The following AGBL1 variants were observed in gnomAD, a reference collection of about 807,000 sequenced individuals.
The protein encoded by AGBL1 is cytosolic carboxypeptidase 4.
In AGBL1, 130 loss-of-function variants were observed where a neutral mutation model predicts 118.9. The observed-to-expected ratio is 1.09, with a 90% CI of 0.95 to 1.26. The LOEUF is 1.26. AGBL1 is among the 50% of genes most tolerant of loss of function. AGBL1 has a pLI of 0.00. For missense variants in AGBL1, 1,584 were observed against 1,298.1 expected (o/e 1.22, Z -3.38); for synonymous variants, 555 against 478.9 (o/e 1.16, Z -2.08).
chr15:86,620,446 C>T (rs1377040302), intron 21 of AGBL1, among the ~76,000 whole-genome samples: 1 of 152,182 alleles, frequency 6.6e-6, no homozygotes, highest in East Asian at 1.9e-4. Flanking sequence ...CCCCATCACT[C>T]CCACTTACCT....
intron 22 of AGBL1, among the ~76,000 whole-genome samples, chr15:86,836,256 G>T (rs1463935814): frequency 1.3e-5 from 2 of 152,188 alleles, no homozygotes; most frequent in Non-Finnish European, 2.9e-5. Flanking sequence ...CCCATGGGTA[G>T]CCCTGAAAAT....
At chr15:86,107,270 C>G (rs1897107242) in intron 1 of AGBL1, among the ~76,000 whole-genome samples, 1 of 152,178 alleles carries the variant, frequency 6.6e-6, no homozygotes, top group African/African-American at 2.4e-5. Flanking sequence ...TCTTCTGCAG[C>G]AGAGCTAAAG....
intron 1 of AGBL1, among the ~76,000 whole-genome samples, chr15:86,131,832 C>A (rs2076823518): frequency 6.6e-6 from 1 of 151,838 alleles, no homozygotes; most frequent in Non-Finnish European, 1.5e-5. Context: ...CTCCTGTAGT[C>A]CCAGCTACTC....
chr15:86,616,394 T>C lies in AGBL1; in HGVS notation c.2995-57879T>C, dbSNP rs8023902. ...AAAATGAAGATGGAAAACTTGTCGTTGGATTAGATTGGTGGTCATTGTATG... is the reference window on the plus strand; with the variant it reads ...AAAATGAAGATGGAAAACTTGTCGTCGGATTAGATTGGTGGTCATTGTATG... On this transcript the variant is annotated intron_variant, in intron 21 of 22. Coordinates refer to ENST00000614907, the MANE Select transcript of AGBL1 (RefSeq NM_001386094.1). Among the ~76,000 whole-genome samples, 762 of 150,492 alleles carry C rather than the reference T, an allele frequency of 5.1e-3. 4 individuals carry two copies. The highest frequency in any genetic ancestry group is 0.018 in the African/African-American group (725 of 40,566).
At chr15:86,113,120 C>G (rs1897498216) in intron 1 of AGBL1, among the ~76,000 whole-genome samples, 1 of 152,128 alleles carries the variant, frequency 6.6e-6, no homozygotes, top group African/African-American at 2.4e-5. Flanking sequence ...TTTTAGCTTT[C>G]CTGCTTCAGC....
At chr15:86,345,218 C>CT (rs534279834) in intron 17 of AGBL1, among the ~76,000 whole-genome samples, 5,352 of 144,810 alleles carry the variant, frequency 0.037, 301 homozygotes, top group African/African-American at 0.13. Flanking sequence ...TTAGACAAGA[C>CT]TTTTTTTTTT....
intron 23 of AGBL1, among the ~76,000 whole-genome samples, chr15:86,951,018 G>A (rs1479044581): frequency 6.6e-6 from 1 of 152,192 alleles, no homozygotes; most frequent in Non-Finnish European, 1.5e-5. Context: ...CAAATGCAGA[G>A]TTCTACAAAA....
intron 11 of AGBL1, 146 bp downstream of exon 11, chr15:86,264,984 A>G: frequency 1.2e-6 from 1 of 810,904 alleles, no homozygotes; most frequent in Non-Finnish European, 1.8e-6. Flanking sequence ...AACTGGCCAA[A>G]CACACAAACT....
At chr15:86,997,315 C>T (rs755505842) in intron 24 of AGBL1, among the ~76,000 whole-genome samples, 7 of 152,172 alleles carry the variant, frequency 4.6e-5, no homozygotes, top group Non-Finnish European at 1.0e-4. Flanking sequence ...CGGCCTCCTG[C>T]AGTGCCCTCT....
At chr15:87,022,935 C>T (rs2081680991) in intron 24 of AGBL1, among the ~76,000 whole-genome samples, 1 of 151,988 alleles carries the variant, frequency 6.6e-6, no homozygotes, top group Non-Finnish European at 1.5e-5. Context: ...TACCATGCCA[C>T]CACTACAAGA....
chr15:86,140,195 AT>A (rs963328485), intron 1 of AGBL1: 1 of 150,150 alleles, frequency 6.7e-6, no homozygotes, highest in African/African-American at 2.5e-5. Flanking sequence ...CAATTAGTTG[AT>A]TTTTTCAATT....
At chr15:86,939,460 G>A (rs1015073989) in intron 23 of AGBL1, among the ~76,000 whole-genome samples, 1 of 152,186 alleles carries the variant, frequency 6.6e-6, no homozygotes, top group African/African-American at 2.4e-5. Context: ...AGGCTGCACT[G>A]TTGGCTTCCC....
chr15:86,776,399 T>C lies in AGBL1; in HGVS notation c.3158+101963T>C, dbSNP rs536646537. ...GGTTGCTTTTACCTTCATTTTCTGA[T>C]TAGTGAGGTTGAGCTCAACCCCTCA... On this transcript the variant is annotated intron_variant, in intron 22 of 22. Transcript: ENST00000614907. Among the ~76,000 whole-genome samples the C allele has an allele frequency of 2.6e-5, 4 of 152,210 alleles. No individual in the cohort carries two copies. In the South Asian group the frequency reaches 8.3e-4, roughly 32 times the overall value.
At chr15:86,353,345 A>G (rs1356126280) in intron 17 of AGBL1, among the ~76,000 whole-genome samples, 6 of 152,238 alleles carry the variant, frequency 3.9e-5, no homozygotes, top group Non-Finnish European at 7.3e-5. Context: ...TTGCATGCCT[A>G]TAAACAAGGA....
intron 19 of AGBL1, among the ~76,000 whole-genome samples, chr15:86,526,480 A>G (rs1023871727): frequency 2.0e-5 from 3 of 149,772 alleles, no homozygotes; most frequent in Non-Finnish European, 3.0e-5. Flanking sequence ...GTCCCCATCA[A>G]TTGATGAGTG....
intron 21 of AGBL1, among the ~76,000 whole-genome samples, chr15:86,594,455 A>G (rs1232258465): frequency 6.6e-6 from 1 of 152,198 alleles, no homozygotes; most frequent in Non-Finnish European, 1.5e-5. Flanking sequence ...TTTTTTATTA[A>G]GTAAACTGAA....
chr15:86,987,438 A>G (rs2081296360), intron 23 of AGBL1, among the ~76,000 whole-genome samples: 1 of 152,226 alleles, frequency 6.6e-6, no homozygotes, highest in African/African-American at 2.4e-5. Context: ...TGATTTATCA[A>G]CTACAAATAA....
intron 22 of AGBL1, among the ~76,000 whole-genome samples, chr15:86,692,447 A>G (rs143751810): frequency 0.015 from 2,317 of 152,182 alleles, 35 homozygotes; most frequent in Non-Finnish European, 0.024. Flanking sequence ...GCCCTCACCT[A>G]TGAAAGCTGG....
intron 18 of AGBL1, among the ~76,000 whole-genome samples, chr15:86,431,476 T>A (rs184603131): frequency 6.6e-6 from 1 of 152,288 alleles, no homozygotes; most frequent in East Asian, 1.9e-4. Context: ...AATAGGGCAA[T>A]TTGGAGTATC....
Sources: gnomAD v4.1 joint callset for allele counts (sites outside exome capture counted in the v4.1 genomes callset) on GRCh38, gnomAD v4.1.1 for gene constraint, MANE v1.5 for transcripts, NCBI Gene and HGNC (gene_info 2026-07-23, HGNC 2026-07-21) for gene names.